The following RHBDL3 variants were observed in gnomAD, a reference collection of about 807,000 sequenced individuals.
The protein encoded by RHBDL3 is rhomboid-related protein 3.
A neutral mutation model predicts 48.2 loss-of-function variants in RHBDL3; 28 were observed. The ratio of observed to expected loss-of-function variants is 0.58; its 90% CI spans 0.43 to 0.80. The LOEUF (loss-of-function observed/expected upper bound fraction) is 0.80, where lower values mean the gene tolerates loss of function less well. Ranked by LOEUF, RHBDL3 falls within the 30% of genes least tolerant of loss-of-function variation. The pLI, the probability that RHBDL3 is intolerant of heterozygous loss-of-function variation, is 0.00. For missense variants in RHBDL3, 464 were observed against 542.7 expected (o/e 0.85, Z 1.44); for synonymous variants, 208 against 232.3 (o/e 0.90, Z 0.95).
At chr17:32,269,485 C>T (rs1424449266) in intron 2 of RHBDL3, among the ~76,000 whole-genome samples, 7 of 152,218 alleles carry the variant, frequency 4.6e-5, no homozygotes, top group African/African-American at 1.4e-4. Context: ...AATTGCAGCG[C>T]GAAAGGCCTG....
At chr17:32,296,100 C>T (rs1479886037) in intron 5 of RHBDL3, among the ~76,000 whole-genome samples, 5 of 151,500 alleles carry the variant, frequency 3.3e-5, no homozygotes, top group African/African-American at 4.9e-5. Context: ...TGGTGGCAGG[C>T]GCCTGTAGTC....
intron 2 of RHBDL3, among the ~76,000 whole-genome samples, chr17:32,283,475 C>T (rs1380116475): frequency 6.6e-6 from 1 of 151,976 alleles, no homozygotes; most frequent in East Asian, 1.9e-4. Flanking sequence ...AGGCGCACAC[C>T]ACCACGCCCG....
At chr17:32,267,670 A>G in intron 1 of RHBDL3, 2 of 71,496 alleles carry the variant, frequency 2.8e-5, no homozygotes, top group Non-Finnish European at 4.9e-5. Flanking sequence ...CCCCGCCCCC[A>G]CCCCATCCCT....
At position 32,267,930 on chromosome 17, in the gene RHBDL3, G is replaced by T; in HGVS notation, c.135+5G>T. 1 of 1,605,368 alleles carries T rather than the reference G, an allele frequency of 6.2e-7. No individual in the cohort carries two copies. The highest frequency in any genetic ancestry group is 8.5e-7 in the Non-Finnish European group (1 of 1,172,114). On this transcript the variant is annotated splice_donor_5th_base_variant and intron_variant, in intron 2 of 8. Transcript: ENST00000269051. ...TGGAAAGTCCTGTTTGATCAGGTAT[G>T]TGAGCAGTTAACCCCCCATTTCCTT...
intron 6 of RHBDL3, among the ~76,000 whole-genome samples, chr17:32,302,740 G>T (rs2040615966): frequency 6.6e-6 from 1 of 152,040 alleles, no homozygotes; most frequent in Non-Finnish European, 1.5e-5. Flanking sequence ...TTACCTTTGA[G>T]GTTCCAGAAT....
At chr17:32,277,124 G>T (rs2150697394) in intron 2 of RHBDL3, among the ~76,000 whole-genome samples, 1 of 152,336 alleles carries the variant, frequency 6.6e-6, no homozygotes, top group South Asian at 2.1e-4. Context: ...CCTGACTCAA[G>T]AGGTCTTTAC....
intron 8 of RHBDL3, 107 bp from the exon 9 acceptor site, chr17:32,320,851 G>GT (rs2041111521): frequency 1.3e-6 from 1 of 767,108 alleles, no homozygotes; most frequent in Non-Finnish European, 2.2e-6. Flanking sequence ...GCAGAGAATG[G>GT]TGCTTGGCCT....
intron 2 of RHBDL3, among the ~76,000 whole-genome samples, chr17:32,282,110 T>C (rs1189165845): frequency 2.0e-5 from 3 of 152,250 alleles, no homozygotes; most frequent in Non-Finnish European, 4.4e-5. Flanking sequence ...AGTATTTGGC[T>C]CCATGAAAAC....
chr17:32,275,108 C>T (rs541909811), intron 2 of RHBDL3, among the ~76,000 whole-genome samples: 13 of 152,250 alleles, frequency 8.5e-5, no homozygotes, highest in African/African-American at 2.6e-4. Flanking sequence ...GGAGAAGCAG[C>T]GGCGGCCAGC....
intron 7 of RHBDL3, among the ~76,000 whole-genome samples, chr17:32,314,331 G>A (rs1288264426): frequency 1.3e-5 from 2 of 152,064 alleles, no homozygotes; most frequent in African/African-American, 4.8e-5. Context: ...GGTGGCTTCC[G>A]TGTCTTGCCT....
chr17:32,301,242 A>G lies in RHBDL3; in HGVS notation c.781+3038A>G, dbSNP rs182200784. Among the ~76,000 whole-genome samples, 173 of 151,960 alleles carry G rather than the reference A, an allele frequency of 1.1e-3. 1 individual carries two copies. The highest frequency in any genetic ancestry group is 3.9e-3 in the African/African-American group (160 of 41,476). On this transcript the variant is annotated intron_variant, in intron 6 of 8. Transcript: ENST00000269051. ...ATGTGAAAATCACTTATGGCTAGCA[A>G]TTATATGGCACACAATGTAGGTATT...
At chr17:32,320,561 T>A (rs2041101449) in intron 8 of RHBDL3, among the ~76,000 whole-genome samples, 1 of 152,148 alleles carries the variant, frequency 6.6e-6, no homozygotes, top group Non-Finnish European at 1.5e-5. Context: ...TGACCTCAGG[T>A]GATCCACCCG....
At position 32,316,283 on chromosome 17, in the gene RHBDL3, C is replaced by T; in HGVS notation, c.934C>T (p.Leu312Phe). 1.9e-6 allele frequency: 3 copies of T among 1,613,376 alleles called. No homozygotes were observed. The highest frequency in any genetic ancestry group is 2.5e-6 in the Non-Finnish European group (3 of 1,179,370). ...QFKLLRMAVA[L>F]ICMSMEFGRA... ...CAAGCTGCTGCGGATGGCTGTGGCCCTTATCTGTAGTAAGTACTGATGGGG... is the reference window on the plus strand; with the variant it reads ...CAAGCTGCTGCGGATGGCTGTGGCCTTTATCTGTAGTAAGTACTGATGGGG... The change falls in exon 8 of 9, where the codon CTT becomes TTT. Residue 312 changes from leucine to phenylalanine, a missense_variant. Physicochemically the swap from Leu to Phe is conservative, Grantham distance 22. Transcript: ENST00000269051.
At chr17:32,276,299 A>G (rs12450124) in intron 2 of RHBDL3, among the ~76,000 whole-genome samples, 84,325 of 151,912 alleles carry the variant, frequency 0.56, 25,950 homozygotes, top group African/African-American at 0.83. Flanking sequence ...AGGGGAAAAG[A>G]TCAAGGGAAG....
intron 6 of RHBDL3, among the ~76,000 whole-genome samples, chr17:32,298,523 G>A (rs1362912837): frequency 1.3e-5 from 2 of 152,180 alleles, no homozygotes; most frequent in Non-Finnish European, 2.9e-5. Context: ...AACCTCTTTT[G>A]GCCATGTTAA....
intron 2 of RHBDL3, among the ~76,000 whole-genome samples, chr17:32,273,737 G>GT (rs1164532474): frequency 2.6e-5 from 4 of 151,866 alleles, no homozygotes; most frequent in Non-Finnish European, 5.9e-5. Flanking sequence ...AGGTTTTTTT[G>GT]TTTTTTTGTT....
At chr17:32,305,312 T>G in intron 6 of RHBDL3, 29 bp from the exon 7 acceptor site, 7 of 1,538,442 alleles carry the variant, frequency 4.6e-6, no homozygotes, top group Non-Finnish European at 6.3e-6. Flanking sequence ...CCCGCACTCC[T>G]GAGAATTCTC....
chr17:32,315,563 G>T (rs964765284), intron 7 of RHBDL3, among the ~76,000 whole-genome samples: 26 of 152,060 alleles, frequency 1.7e-4, no homozygotes, highest in Non-Finnish European at 4.4e-5. Flanking sequence ...CATCCTTTCC[G>T]AGTGATGTGA....
At chr17:32,307,578 C>T (rs942532299) in intron 7 of RHBDL3, among the ~76,000 whole-genome samples, 6 of 152,156 alleles carry the variant, frequency 3.9e-5, no homozygotes, top group South Asian at 2.1e-4. Context: ...ACACTGAGTA[C>T]CTGCCTATAC....
Sources: gnomAD v4.1 joint callset for allele counts (sites outside exome capture counted in the v4.1 genomes callset) on GRCh38, gnomAD v4.1.1 for gene constraint, MANE v1.5 for transcripts, NCBI Gene and HGNC (gene_info 2026-07-23, HGNC 2026-07-21) for gene names.